The following CDYL2 variants were observed in gnomAD, a reference collection of about 807,000 sequenced individuals.
The protein encoded by CDYL2 is chromodomain Y-like protein 2.
CDYL2 carries 23 observed loss-of-function variants against 49.4 expected under a neutral mutation model. The ratio of observed to expected loss-of-function variants is 0.47; its 90% CI spans 0.34 to 0.66. CDYL2 has a LOEUF of 0.66. CDYL2 is among the 30% of genes least tolerant of loss of function. The pLI, the probability that CDYL2 is intolerant of heterozygous loss-of-function variation, is 0.01. For missense variants in CDYL2, 678 were observed against 656.4 expected, an observed-to-expected ratio of 1.03 and a Z score of -0.36; for synonymous variants, 360 against 268.8, an observed-to-expected ratio of 1.34 and a Z score of -3.32.
chr16:80,734,824 C>T (rs1385444401), intron 1 of CDYL2, among the ~76,000 whole-genome samples: 1 of 152,126 alleles, frequency 6.6e-6, no homozygotes. Context: ...CCTGCTGCTA[C>T]GGTGTTTTCA....
chr16:80,701,591 A>C (rs1208807581), intron 1 of CDYL2, among the ~76,000 whole-genome samples: 10 of 152,250 alleles, frequency 6.6e-5, no homozygotes, highest in Admixed American at 2.6e-4. Context: ...TTTCACAAGA[A>C]ATATTGGAAA....
chr16:80,650,949 G>T (rs144334091), intron 2 of CDYL2, among the ~76,000 whole-genome samples: 70 of 123,310 alleles, frequency 5.7e-4, no homozygotes, highest in African/African-American at 1.9e-3. Flanking sequence ...TACAGAAGAG[G>T]ACAGTTACCA....
At chr16:80,717,130 A>ATGGG (rs1207337929) in intron 1 of CDYL2, among the ~76,000 whole-genome samples, 1 of 147,532 alleles carries the variant, frequency 6.8e-6, no homozygotes, top group African/African-American at 2.5e-5. Flanking sequence ...GAATGAATGG[A>ATGGG]TGGGTGGACT....
intron 1 of CDYL2, among the ~76,000 whole-genome samples, chr16:80,722,589 C>A (rs564245529): frequency 6.6e-6 from 1 of 152,130 alleles, no homozygotes; most frequent in African/African-American, 2.4e-5. Context: ...TTTTCTTAGG[C>A]CTATTTTACA....
intron 1 of CDYL2, among the ~76,000 whole-genome samples, chr16:80,758,261 C>T (rs923487184): frequency 6.6e-6 from 1 of 151,910 alleles, no homozygotes; most frequent in Non-Finnish European, 1.5e-5. Flanking sequence ...TATCTTTACA[C>T]CAAAATAAAT....
intron 2 of CDYL2, among the ~76,000 whole-genome samples, chr16:80,670,494 T>C (rs959968227): frequency 4.6e-5 from 7 of 152,150 alleles, no homozygotes; most frequent in African/African-American, 1.4e-4. Context: ...CAATTAAACC[T>C]CTTTCCTTTA....
chr16:80,794,678 C>T (rs2142419400), intron 1 of CDYL2, among the ~76,000 whole-genome samples: 1 of 122,232 alleles, frequency 8.2e-6, no homozygotes, highest in East Asian at 2.7e-4. Context: ...ATGGCGTGAT[C>T]TCGGCTCACT....
At chr16:80,659,341 G>C (rs72806145) in intron 2 of CDYL2, among the ~76,000 whole-genome samples, 4,228 of 152,258 alleles carry the variant, frequency 0.028, 82 homozygotes, top group Middle Eastern at 0.037. Flanking sequence ...TGGAATTCTA[G>C]ACTGTATTCT....
chr16:80,633,308 G>A lies in CDYL2; in HGVS notation c.617-72C>T, dbSNP rs146243950. The A allele has an allele frequency of 3.2e-3, 4,725 of 1,475,050 alleles. 21 individuals carry two copies. Among genetic ancestry groups the A allele is most frequent in the South Asian group, 0.011 (866 of 80,858 alleles). 91.4% of individuals were successfully genotyped at this position (1,475,050 alleles called of 1,614,324 possible). A position where few individuals can be genotyped will look rare whatever the true frequency, so the allele number is the denominator to read the frequency against. On this transcript the variant is annotated intron_variant, in intron 2 of 6. Coordinates refer to ENST00000570137, the MANE Select transcript of CDYL2 (RefSeq NM_152342.4). ...TCCTAGAAGGATGTGATCAGAGGAC[G>A]TTGGGATTTCCAATGGAAAGGTTTG...
rs140884654 is a variant in CDYL2 at position 80,769,812 on chromosome 16, T to C, written c.24+34338A>G. ...TTAAAGAGATTAAACTGAAAAAGAA[T>C]CAGATTATTCATTTCCTAGTACTAA... On this transcript the variant is annotated intron_variant, in intron 1 of 6. Transcript: ENST00000570137. Among the ~76,000 whole-genome samples, 3 of 152,178 alleles carry C rather than the reference T, an allele frequency of 2.0e-5. No individual in the cohort carries two copies. In the South Asian group the frequency reaches 6.2e-4, roughly 32 times the overall value.
intron 1 of CDYL2, among the ~76,000 whole-genome samples, chr16:80,703,990 G>C (rs1018100772): frequency 6.6e-6 from 1 of 152,204 alleles, no homozygotes; most frequent in Non-Finnish European, 1.5e-5. Flanking sequence ...CAACAATTGA[G>C]TTACAGGATA....
intron 1 of CDYL2, among the ~76,000 whole-genome samples, chr16:80,783,083 C>T (rs544787448): frequency 1.3e-5 from 2 of 151,870 alleles, no homozygotes; most frequent in Non-Finnish European, 1.5e-5. Context: ...CATCAAAGGA[C>T]GTTGTTAAAA....
intron 1 of CDYL2, among the ~76,000 whole-genome samples, chr16:80,786,716 T>C (rs1418649456): frequency 2.0e-5 from 3 of 152,140 alleles, no homozygotes; most frequent in Non-Finnish European, 2.9e-5. Flanking sequence ...GTGGCACATA[T>C]ACACCATGGA....
At chr16:80,687,790 A>T (rs941863512) in intron 1 of CDYL2, among the ~76,000 whole-genome samples, 3 of 152,174 alleles carry the variant, frequency 2.0e-5, no homozygotes, top group African/African-American at 7.2e-5. Flanking sequence ...GCCTCAGATG[A>T]CTCATAGAGC....
At chr16:80,730,222 A>C (rs1030450434) in intron 1 of CDYL2, among the ~76,000 whole-genome samples, 1 of 152,192 alleles carries the variant, frequency 6.6e-6, no homozygotes, top group Non-Finnish European at 1.5e-5. Context: ...AATAAAGAAA[A>C]AAAGAGAGAA....
chr16:80,772,126 T>C (rs1906925284), intron 1 of CDYL2, among the ~76,000 whole-genome samples: 3 of 152,144 alleles, frequency 2.0e-5, no homozygotes, highest in Non-Finnish European at 4.4e-5. Flanking sequence ...GTCCGATAAT[T>C]CTTTACTTCA....
intron 1 of CDYL2, among the ~76,000 whole-genome samples, chr16:80,725,086 G>T (rs1212602794): frequency 6.6e-6 from 1 of 152,114 alleles, no homozygotes; most frequent in Non-Finnish European, 1.5e-5. Flanking sequence ...CCAAGGACAT[G>T]TTCTGTCCTT....
chr16:80,778,015 T>A (rs1359159044), intron 1 of CDYL2, among the ~76,000 whole-genome samples: 5 of 151,968 alleles, frequency 3.3e-5, no homozygotes, highest in South Asian at 2.1e-4. Context: ...TGGAAATTTT[T>A]AAAAAAATCT....
chr16:80,740,404 C>G (rs776366049), intron 1 of CDYL2, among the ~76,000 whole-genome samples: 5 of 152,110 alleles, frequency 3.3e-5, no homozygotes, highest in Non-Finnish European at 5.9e-5. Flanking sequence ...AGGCCTAATT[C>G]AAAAGTACAA....
Sources: allele counts gnomAD v4.1 joint callset (sites outside exome capture counted in the v4.1 genomes callset), GRCh38; gene constraint gnomAD v4.1.1; transcripts MANE v1.5; gene names NCBI Gene and HGNC (gene_info 2026-07-23, HGNC 2026-07-21).